Variants in MAP3K15 observed in about 807,000 individuals in gnomAD.
MAP3K15 encodes the protein mitogen-activated protein kinase kinase kinase 15, also known as MAPK/ERK kinase kinase 15.
In MAP3K15, 124 loss-of-function variants were observed where a neutral mutation model predicts 99.5. The ratio of observed to expected loss-of-function variants is 1.25; its 90% CI spans 1.08 to 1.45. The LOEUF is 1.45. Ranked by LOEUF, MAP3K15 falls within the 40% of genes most tolerant of loss-of-function variation. MAP3K15 has a pLI of 0.00. For missense variants in MAP3K15, 1,242 were observed against 1,079.7 expected, an observed-to-expected ratio of 1.15 and a Z score of -2.11; for synonymous variants, 494 against 439.6, an observed-to-expected ratio of 1.12 and a Z score of -1.55.
At chrX:19,370,374 TTTTAA>T (rs1343676071) in intron 24 of MAP3K15, among the ~76,000 whole-genome samples, 3 of 110,842 alleles carry the variant, frequency 2.7e-5, no homozygotes, top group Non-Finnish European at 5.7e-5. Flanking sequence ...CCATGCTCCC[TTTTAA>T]TTTAATATTA....
chrX:19,482,597 G>C (rs954088953), intron 3 of MAP3K15, among the ~76,000 whole-genome samples: 2 of 111,820 alleles, frequency 1.8e-5, no homozygotes, highest in Non-Finnish European at 3.8e-5. Context: ...GGCTGGGTGT[G>C]GGAAGAGAGA....
chrX:19,456,959 C>T lies in MAP3K15; in HGVS notation c.949G>A (p.Ala317Thr). The change falls in exon 6 of 29, where the codon GCC (alanine) becomes ACC (threonine). Residue 317 changes from alanine to threonine, a missense_variant. By Grantham distance (58) the Ala-to-Thr change is moderately conservative (BLOSUM62 0). Coordinates refer to ENST00000338883, the MANE Select transcript of MAP3K15 (RefSeq NM_001001671.4). ...TGGAATTTAATGTTATGCTGATCGG[C>T]CAAATCACACGTAGGCAGCATCTCC... ...TLEMLPTCDL[A>T]DQHNIKFHYA... 1.7e-6 allele frequency: 2 copies of T among 1,199,441 alleles called. No individual in the cohort carries two copies. The highest frequency in any genetic ancestry group is 2.2e-6 in the Non-Finnish European group (2 of 894,546).
intron 9 of MAP3K15, among the ~76,000 whole-genome samples, chrX:19,417,541 C>T (rs1034681592): frequency 6.3e-5 from 7 of 111,731 alleles, no homozygotes; most frequent in Admixed American, 1.9e-4. Context: ...ACAAAGCCTC[C>T]GGGAAGCTCG....
chrX:19,456,355 C>T (rs778951771), intron 6 of MAP3K15, among the ~76,000 whole-genome samples: 5 of 111,511 alleles, frequency 4.5e-5, no homozygotes, highest in East Asian at 2.8e-4. Flanking sequence ...CTCGCGAACA[C>T]GACGATGAAT....
chrX:19,431,356 A>G, intron 7 of MAP3K15, 82 bp downstream of exon 7: 1 of 928,875 alleles, frequency 1.1e-6, no homozygotes, highest in South Asian at 2.5e-5. Flanking sequence ...CATATACATA[A>G]GGAAGAGATG....
rs769125014 is a variant in MAP3K15, at chrX:19,362,811, C to G, written c.3606G>C (p.Gln1202His). ...EHLVEKEREY[Q>H]NLLRQTLEQK... ...GTTCTAGAGTTTGCCGCAGAAGATT[C>G]TGGTACTCTCTCTCTTTTTCAACTA... Residue 1202 changes from glutamine to histidine, a missense_variant, in exon 26 of 29, where the codon CAG becomes CAC. By Grantham distance (24) the Gln-to-His change is conservative (BLOSUM62 0). Transcript: ENST00000338883. 4 of 1,177,130 alleles carry G rather than the reference C, an allele frequency of 3.4e-6. No individual in the cohort carries two copies. Among genetic ancestry groups the G allele is most frequent in the Admixed American group, 2.2e-5 (1 of 44,602 alleles).
At chrX:19,495,573 G>A (rs1038755923) in intron 1 of MAP3K15, among the ~76,000 whole-genome samples, 1 of 110,834 alleles carries the variant, frequency 9.0e-6, no homozygotes, top group Non-Finnish European at 1.9e-5. Context: ...AACTATGTAA[G>A]TGTGATTGAG....
chrX:19,447,498 A>C (rs906953168), intron 6 of MAP3K15, among the ~76,000 whole-genome samples: 5 of 111,753 alleles, frequency 4.5e-5, no homozygotes, highest in African/African-American at 1.3e-4. Flanking sequence ...CTTACTGATA[A>C]TATTTCATCT....
In MAP3K15 at chrX:19,423,370, C is replaced by G. The variant is rs1407416504; in HGVS notation, c.1439+2161G>C. ...TTCTGGCAATCACTAGTCAAACTCA[C>G]TGTCTTTTATTTTTTGAAATATTAG... On this transcript the variant is annotated intron_variant, in intron 9 of 28. Coordinates refer to ENST00000338883, the MANE Select transcript of MAP3K15 (RefSeq NM_001001671.4). Among the ~76,000 whole-genome samples the G allele has an allele frequency of 6.0e-5, 6 of 99,861 alleles. No individual in the cohort carries two copies. The Admixed American group carries it at 6.7e-4, about 11-fold the overall frequency. 86.7% of individuals were successfully genotyped at this position (99,861 alleles called of 115,157 possible).
Position 19,395,116 on chromosome X carries a change from C to T in MAP3K15, c.2159G>A (p.Gly720Asp), listed in dbSNP as rs2063559022. The T allele has an allele frequency of 1.7e-6, 2 of 1,208,969 alleles. No individual in the cohort carries two copies. The highest frequency in any genetic ancestry group is 2.2e-6 in the Non-Finnish European group (2 of 893,917). ...VQYLGSVSENGYIKIFMEQVP... is the reference protein window; with the variant it reads ...VQYLGSVSENDYIKIFMEQVP... Reference sequence around the variant, plus strand: ...CTGCTCCATAAATATCTTAATGTAGCCGTTCTCTGAAACAGAGCCCAGGTA... The same window carrying T: ...CTGCTCCATAAATATCTTAATGTAGTCGTTCTCTGAAACAGAGCCCAGGTA... Residue 720 changes from glycine to aspartate, a missense_variant, in exon 16 of 29, where the codon GGC becomes GAC. By Grantham distance (94) the Gly-to-Asp change is moderately conservative. Transcript: ENST00000338883.
chrX:19,509,586 C>T (rs2064504233), intron 1 of MAP3K15, among the ~76,000 whole-genome samples: 1 of 111,612 alleles, frequency 9.0e-6, no homozygotes, highest in Non-Finnish European at 1.9e-5. Flanking sequence ...TGGGACACAG[C>T]TAAAGTAGTG....
chrX:19,361,799 C>G (rs1372207836), intron 26 of MAP3K15: 1 of 345,539 alleles, frequency 2.9e-6, no homozygotes, highest in Non-Finnish European at 5.0e-6. Flanking sequence ...TCTAGGATAC[C>G]TTCAGTTAGT....
intron 10 of MAP3K15, among the ~76,000 whole-genome samples, 181 bp downstream of exon 10, chrX:19,414,926 T>C (rs1319215865): frequency 1.8e-5 from 2 of 112,143 alleles, no homozygotes; most frequent in African/African-American, 3.2e-5. Context: ...ATAGAGGATA[T>C]GGCCAATGAT....
chrX:19,488,310 A>G (rs1345426972), intron 2 of MAP3K15, among the ~76,000 whole-genome samples: 5 of 112,314 alleles, frequency 4.5e-5, no homozygotes, highest in African/African-American at 1.6e-4. Flanking sequence ...GTGCAGGAAC[A>G]CACACGTTTT....
chrX:19,424,562 G>A (rs992239255), intron 9 of MAP3K15, among the ~76,000 whole-genome samples: 2 of 111,155 alleles, frequency 1.8e-5, no homozygotes, highest in Non-Finnish European at 3.8e-5. Context: ...TAATTTGTAA[G>A]TGCAAATTCT....
rs1234752230 is a variant in MAP3K15 at position 19,376,652 on chromosome X, C to T, written c.2590-1992G>A. ...TAGACACGGGGTCTTGCTATGTTGC[C>T]CCGGGGGATCTTGAACTCCTGGCCT... On this transcript the variant is annotated intron_variant, in intron 19 of 28. Transcript: ENST00000338883. 4 of 110,624 alleles carry T rather than the reference C, an allele frequency of 3.6e-5. No homozygotes were observed. In the East Asian group the frequency reaches 1.1e-3, roughly 32 times the overall value. The allele number at this position is 110,624 out of a possible 1,213,427, so 9.1% of individuals were successfully genotyped here. A position where few individuals can be genotyped will look rare whatever the true frequency, so the allele number is the denominator to read the frequency against.
At chrX:19,438,935 T>G (rs2063940912) in intron 6 of MAP3K15, among the ~76,000 whole-genome samples, 1 of 112,337 alleles carries the variant, frequency 8.9e-6, no homozygotes, top group African/African-American at 3.2e-5. Flanking sequence ...CAGTGGCTCA[T>G]GCCTGTAATC....
rs775257916 is a variant in MAP3K15 at position 19,382,448 on chromosome X, A to AG, written c.2432-2172dup. ...TGTGTGGTTAAATATGGTAGTCACT[A>AG]GCCTCATATATTTGACTGTTGGGCC... On this transcript the variant is annotated intron_variant, in intron 18 of 28. Coordinates refer to ENST00000338883, the MANE Select transcript of MAP3K15 (RefSeq NM_001001671.4). 2.2e-3 allele frequency among the ~76,000 whole-genome samples: 250 copies of AG among 111,707 alleles called. 2 individuals carry two copies. Among genetic ancestry groups the AG allele is most frequent in the African/African-American group, 7.8e-3 (239 of 30,740 alleles).
At chrX:19,501,175 G>A (rs910754328) in intron 1 of MAP3K15, among the ~76,000 whole-genome samples, 2 of 111,770 alleles carry the variant, frequency 1.8e-5, no homozygotes, top group Admixed American at 9.5e-5. Flanking sequence ...ACTCATGGTT[G>A]TCTAGCCTGA....
Sources: gnomAD v4.1 joint callset for allele counts (sites outside exome capture counted in the v4.1 genomes callset) on GRCh38, gnomAD v4.1.1 for gene constraint, MANE v1.5 for transcripts, NCBI Gene and HGNC (gene_info 2026-07-23, HGNC 2026-07-21) for gene names.